Variants in RAB23 observed in about 807,000 individuals in gnomAD.
The protein encoded by RAB23 is ras-related protein Rab-23.
RAB23 carries 15 observed loss-of-function variants against 30.0 expected under a neutral mutation model. The observed-to-expected ratio is 0.50, with a 90% CI of 0.33 to 0.77. The LOEUF is 0.77. Among genes scored for constraint, RAB23 ranks in the 30% least tolerant of loss-of-function variants. RAB23 has a pLI of 0.02. For missense variants in RAB23, 243 were observed against 275.4 expected, an observed-to-expected ratio of 0.88 and a Z score of 0.83; for synonymous variants, 93 against 94.0, an observed-to-expected ratio of 0.99 and a Z score of 0.06.
At chr6:57,209,505 G>A (rs959912059) in intron 2 of RAB23, among the ~76,000 whole-genome samples, 1 of 152,148 alleles carries the variant, frequency 6.6e-6, no homozygotes, top group African/African-American at 2.4e-5. Flanking sequence ...ATACAGACTA[G>A]AAATTAATCT....
intron 4 of RAB23, 131 bp from the exon 5 acceptor site, chr6:57,194,983 G>T: frequency 1.5e-6 from 1 of 679,356 alleles, no homozygotes. Context: ...AGATCTTTCA[G>T]AAAATTTTCA....
chr6:57,189,687 T>G lies in RAB23; in HGVS notation c.*774A>C, dbSNP rs1764759230. Reference sequence around the variant, plus strand: ...AAAACTGCTTACTGCTTTTAAAAGATATAATAAACAATATAAATTCTGATA... The same window carrying G: ...AAAACTGCTTACTGCTTTTAAAAGAGATAATAAACAATATAAATTCTGATA... On this transcript the variant is annotated 3_prime_UTR_variant, in exon 7 of 7. Transcript: ENST00000468148. 1.3e-5 allele frequency: 2 copies of G among 152,648 alleles called. No individual in the cohort carries two copies. Among genetic ancestry groups the G allele is most frequent in the African/African-American group, 4.8e-5 (2 of 41,462 alleles). 9.5% of individuals were successfully genotyped at this position (152,648 alleles called of 1,614,324 possible).
Position 57,190,360 on chromosome 6 carries a change from G to A in RAB23, c.*101C>T. On this transcript the variant is annotated 3_prime_UTR_variant, in exon 7 of 7. Coordinates refer to ENST00000468148, the MANE Select transcript of RAB23 (RefSeq NM_016277.5). ...GTCTGTCACTTTCAGAGAGCCATTA[G>A]GAGCAAAGTCTGCTGAAAACCTTGT... The A allele has an allele frequency of 7.2e-7, 1 of 1,390,764 alleles. No homozygotes were observed. The highest frequency in any genetic ancestry group is 1.0e-6 in the Non-Finnish European group (1 of 983,226). 86.2% of individuals were successfully genotyped at this position (1,390,764 alleles called of 1,614,324 possible).
At position 57,196,586 on chromosome 6, in the gene RAB23, C is replaced by T. The variant is rs764166088; in HGVS notation, c.262G>A (p.Val88Met). Reference protein sequence around the residue: ...YYRGAQACVLVFSTTDRESFE... With the variant: ...YYRGAQACVLMFSTTDRESFE... ...GATTCCCTATCTGTGGTAGAGAACA[C>T]GAGCACACAAGCCTGGGCTCCTGTA... The change falls in exon 4 of 7, where the codon GTG becomes ATG. Residue 88 changes from valine to methionine, a missense_variant. By Grantham distance (21) the Val-to-Met change is conservative. Coordinates refer to ENST00000468148, the MANE Select transcript of RAB23 (RefSeq NM_016277.5). 2.0e-5 allele frequency: 33 copies of T among 1,613,716 alleles called. No individual in the cohort carries two copies. The highest frequency in any genetic ancestry group is 4.0e-5 in the African/African-American group (3 of 74,884).
chr6:57,203,696 A>G (rs144746931), intron 3 of RAB23, among the ~76,000 whole-genome samples: 2 of 152,364 alleles, frequency 1.3e-5, no homozygotes, highest in East Asian at 1.9e-4. Context: ...GATGAAATTC[A>G]TAATTTGATA....
intron 3 of RAB23, among the ~76,000 whole-genome samples, chr6:57,198,671 A>C (rs1765122258): frequency 6.6e-6 from 1 of 151,044 alleles, no homozygotes; most frequent in Non-Finnish European, 1.5e-5. Flanking sequence ...AAAGGGTGAG[A>C]CTCTGTCTAA....
At chr6:57,206,765 G>GT (rs2128002434) in intron 3 of RAB23, among the ~76,000 whole-genome samples, 1 of 152,332 alleles carries the variant, frequency 6.6e-6, no homozygotes, top group South Asian at 2.1e-4. Flanking sequence ...AGAGGAAGTT[G>GT]TGTCTTTAGA....
At position 57,189,801 on chromosome 6, in the gene RAB23, T is replaced by G. The variant is rs953906973; in HGVS notation, c.*660A>C. On this transcript the variant is annotated 3_prime_UTR_variant, in exon 7 of 7. Coordinates refer to ENST00000468148, the MANE Select transcript of RAB23 (RefSeq NM_016277.5). ...ATTTTGCAAAATATATGTCTAGAGT[T>G]TATCATTTGAAAATAAAAACATATA... 6.5e-6 allele frequency: 1 copy of G among 152,926 alleles called. No individual in the cohort carries two copies. 9.5% of individuals were successfully genotyped at this position (152,926 alleles called of 1,614,324 possible).
chr6:57,190,293 T>A lies in RAB23; in HGVS notation c.*168A>T, dbSNP rs917779471. ...AGGGCAATAATTTTTCCACCAGAGG[T>A]CTCACTCTACATTCTGAAAAGCACT... On this transcript the variant is annotated 3_prime_UTR_variant, in exon 7 of 7. Coordinates refer to ENST00000468148, the MANE Select transcript of RAB23 (RefSeq NM_016277.5). The A allele has an allele frequency of 6.7e-6, 5 of 746,238 alleles. No homozygotes were observed. The Admixed American group carries it at 1.3e-4, about 19-fold the overall frequency. 46.2% of individuals were successfully genotyped at this position (746,238 alleles called of 1,614,324 possible). A position where few individuals can be genotyped will look rare whatever the true frequency, so the allele number is the denominator to read the frequency against.
At chr6:57,192,097 A>G (rs1764861932) in intron 6 of RAB23, among the ~76,000 whole-genome samples, 1 of 151,998 alleles carries the variant, frequency 6.6e-6, no homozygotes, top group Non-Finnish European at 1.5e-5. Flanking sequence ...TCCTGCTTCA[A>G]CCTCCCAAAT....
At chr6:57,194,741 G>T in intron 5 of RAB23, 29 bp downstream of exon 5, 2 of 1,484,896 alleles carry the variant, frequency 1.3e-6, no homozygotes, top group Non-Finnish European at 1.9e-6. Flanking sequence ...ATTTCTTTTT[G>T]CAATCTATAT....
At chr6:57,206,797 C>T (rs1453597406) in intron 3 of RAB23, among the ~76,000 whole-genome samples, 2 of 152,132 alleles carry the variant, frequency 1.3e-5, no homozygotes, top group Middle Eastern at 3.2e-3. Context: ...AATTACAACA[C>T]GGTGAAAAGT....
chr6:57,220,307 G>A (rs531807298), intron 1 of RAB23, among the ~76,000 whole-genome samples: 2 of 152,270 alleles, frequency 1.3e-5, no homozygotes, highest in East Asian at 3.9e-4. Flanking sequence ...TTGCTTGTGG[G>A]AATGCAAAAT....
Position 57,210,424 on chromosome 6 carries a change from G to A in RAB23, c.-44C>T, listed in dbSNP as rs761759143. The A allele has an allele frequency of 1.3e-6, 2 of 1,576,646 alleles. No homozygotes were observed. Among genetic ancestry groups the A allele is most frequent in the Non-Finnish European group, 1.7e-6 (2 of 1,146,766 alleles). The stretch of plus-strand genomic sequence containing the variant: ...TTCTGTACCAACTCTAATTCTAGGA[G>A]ATCAGATCTTCCCTCTCAAATCTGT... On this transcript the variant is annotated 5_prime_UTR_variant, in exon 2 of 7. Transcript: ENST00000468148.
At chr6:57,203,000 GTTTTT>G (rs1170559704) in intron 3 of RAB23, among the ~76,000 whole-genome samples, 43 of 82,598 alleles carry the variant, frequency 5.2e-4, no homozygotes, top group African/African-American at 1.9e-3. Flanking sequence ...AAGATAGGCT[GTTTTT>G]TTTTTTTTTT....
chr6:57,211,641 C>T (rs1329272914), intron 1 of RAB23, among the ~76,000 whole-genome samples: 1 of 152,124 alleles, frequency 6.6e-6, no homozygotes, highest in Non-Finnish European at 1.5e-5. Flanking sequence ...GCATTGGACT[C>T]TTAGTTATAA....
At position 57,190,207 on chromosome 6, in the gene RAB23, T is replaced by C. The variant is rs758160762; in HGVS notation, c.*254A>G. On this transcript the variant is annotated 3_prime_UTR_variant, in exon 7 of 7. Transcript: ENST00000468148. ...CAAAACCTGTGTTTGAAATTTCTTA[T>C]AGCATTCCTTTACAAACAGGAGAAG... is the stretch of plus-strand genomic sequence containing the variant. The C allele has an allele frequency of 1.7e-5, 7 of 424,034 alleles. No homozygotes were observed. Among genetic ancestry groups the C allele is most frequent in the East Asian group, 1.3e-4 (3 of 22,268 alleles). 26.3% of individuals were successfully genotyped at this position (424,034 alleles called of 1,614,324 possible). A position where few individuals can be genotyped will look rare whatever the true frequency, so the allele number is the denominator to read the frequency against.
At chr6:57,198,575 G>T (rs1263690720) in intron 3 of RAB23, among the ~76,000 whole-genome samples, 4 of 152,110 alleles carry the variant, frequency 2.6e-5, no homozygotes, top group African/African-American at 9.7e-5. Context: ...CAGCTACTCA[G>T]GTGACTGAGG....
At chr6:57,202,910 A>C (rs1030719125) in intron 3 of RAB23, among the ~76,000 whole-genome samples, 1 of 152,108 alleles carries the variant, frequency 6.6e-6, no homozygotes, top group Non-Finnish European at 1.5e-5. Context: ...TAGAAAAAGA[A>C]GACGCTGAAA....
Sources: gnomAD v4.1 joint callset for allele counts (sites outside exome capture counted in the v4.1 genomes callset) on GRCh38, gnomAD v4.1.1 for gene constraint, MANE v1.5 for transcripts, NCBI Gene and HGNC (gene_info 2026-07-23, HGNC 2026-07-21) for gene names.